RORA: variants seen among roughly 807,000 people sequenced by gnomAD.
RORA encodes nuclear receptor ROR-alpha.
A neutral mutation model predicts 69.5 loss-of-function variants in RORA; 7 were observed. That is an observed-to-expected ratio of 0.10 (90% CI 0.06 to 0.19). The LOEUF (loss-of-function observed/expected upper bound fraction) is 0.19. Ranked by LOEUF, RORA falls within the 10% of genes least tolerant of loss-of-function variation. The probability of loss-of-function intolerance (pLI) is 1.00; values close to 1 mark genes in which losing one functional copy is unlikely to be tolerated. For missense variants in RORA, 457 were observed against 663.0 expected (o/e 0.69, Z 3.41); for synonymous variants, 261 against 240.8 (o/e 1.08, Z -0.78).
intron 2 of RORA, among the ~76,000 whole-genome samples, chr15:60,602,539 C>T (rs764209621): frequency 1.3e-5 from 2 of 152,026 alleles, no homozygotes; most frequent in African/African-American, 4.8e-5. Flanking sequence ...TAGATTTAGG[C>T]GTAACAAAAC....
chr15:60,588,605 C>A (rs946144817), intron 2 of RORA, among the ~76,000 whole-genome samples: 3 of 152,140 alleles, frequency 2.0e-5, no homozygotes, highest in Non-Finnish European at 2.9e-5. Context: ...TGATCTCATC[C>A]ACTTTTATTG....
chr15:61,172,994 A>G (rs192106051), intron 1 of RORA, among the ~76,000 whole-genome samples: 2 of 152,328 alleles, frequency 1.3e-5, no homozygotes, highest in Admixed American at 1.3e-4. Flanking sequence ...GTAGTCATAT[A>G]TAATTATTTT....
chr15:61,077,613 A>G (rs896517401), intron 1 of RORA, among the ~76,000 whole-genome samples: 1 of 152,102 alleles, frequency 6.6e-6, no homozygotes, highest in African/African-American at 2.4e-5. Flanking sequence ...TGCCAACTAC[A>G]AGCTGTTTGT....
chr15:61,065,673 A>G (rs769049577), intron 1 of RORA, among the ~76,000 whole-genome samples: 4 of 152,168 alleles, frequency 2.6e-5, no homozygotes, highest in Non-Finnish European at 5.9e-5. Context: ...GTGCCGTTTG[A>G]TCTTGGTTGC....
intron 1 of RORA, among the ~76,000 whole-genome samples, chr15:60,702,431 C>T (rs940522789): frequency 7.2e-5 from 11 of 152,130 alleles, no homozygotes; most frequent in East Asian, 5.8e-4. Flanking sequence ...GGGGTTTTGC[C>T]GTGTTGGCCA....
rs60014588 is a variant in RORA, at chr15:60,535,949, TC to T, written c.197-4099del. Among the ~76,000 whole-genome samples the T allele has an allele frequency of 7.2e-3, 1,089 of 152,250 alleles. 20 individuals carry two copies. The highest frequency in any genetic ancestry group is 0.025 in the African/African-American group (1,020 of 41,542). Reference sequence around the variant, plus strand: ...ATCACTAACCAGGGCTCAAAAGACATCCCCTAAGTAGTTTGTTTAAACTTAA... The same window carrying T: ...ATCACTAACCAGGGCTCAAAAGACATCCCTAAGTAGTTTGTTTAAACTTAA... On this transcript the variant is annotated intron_variant, in intron 2 of 10. Transcript: ENST00000335670.
At position 60,698,173 on chromosome 15, in the gene RORA, T is replaced by C. The variant is rs370084464; in HGVS notation, c.167-19487A>G. On this transcript the variant is annotated intron_variant, in intron 1 of 10. Transcript: ENST00000335670. Reference sequence around the variant, plus strand: ...CAGCTGAGATGTCTTCTGTTCCTCCTTCTTTCCAGGAGCGTCAGTAGCTAT... The same window carrying C: ...CAGCTGAGATGTCTTCTGTTCCTCCCTCTTTCCAGGAGCGTCAGTAGCTAT... 1.2e-4 allele frequency among the ~76,000 whole-genome samples: 18 copies of C among 152,312 alleles called. No homozygotes were observed. In the East Asian group the frequency reaches 2.9e-3, roughly 24 times the overall value.
chr15:60,810,536 C>T (rs2072728342), intron 1 of RORA, among the ~76,000 whole-genome samples: 1 of 152,094 alleles, frequency 6.6e-6, no homozygotes, highest in Non-Finnish European at 1.5e-5. Flanking sequence ...TTTTACCCTT[C>T]CCATCCCCTG....
chr15:61,075,758 C>T (rs933459874), intron 1 of RORA, among the ~76,000 whole-genome samples: 3 of 152,204 alleles, frequency 2.0e-5, no homozygotes, highest in South Asian at 4.1e-4. Flanking sequence ...AACCTCCTCG[C>T]GTTATACCAC....
intron 1 of RORA, among the ~76,000 whole-genome samples, chr15:61,016,359 G>A (rs1163507778): frequency 6.6e-6 from 1 of 152,154 alleles, no homozygotes; most frequent in Non-Finnish European, 1.5e-5. Flanking sequence ...TCTTAAAATA[G>A]AATGGTGATT....
chr15:60,863,706 C>A, intron 1 of RORA, among the ~76,000 whole-genome samples: 2 of 152,260 alleles, frequency 1.3e-5, no homozygotes, highest in Middle Eastern at 3.4e-3. Context: ...TAGACTGTTT[C>A]GCAGAGCTTC....
intron 1 of RORA, among the ~76,000 whole-genome samples, chr15:60,893,121 T>C (rs753807319): frequency 1.3e-4 from 20 of 152,338 alleles, no homozygotes; most frequent in African/African-American, 3.8e-4. Flanking sequence ...TCTCCTGTTA[T>C]GTGCTTCAAC....
At chr15:61,166,317 C>A (rs2079539369) in intron 1 of RORA, among the ~76,000 whole-genome samples, 1 of 152,170 alleles carries the variant, frequency 6.6e-6, no homozygotes, top group Non-Finnish European at 1.5e-5. Context: ...CAGAAAGACA[C>A]AGATGAACAT....
At chr15:60,550,590 C>T (rs1213703441) in intron 2 of RORA, among the ~76,000 whole-genome samples, 2 of 152,168 alleles carry the variant, frequency 1.3e-5, no homozygotes, top group Admixed American at 1.3e-4. Flanking sequence ...ATTGTCAGCA[C>T]ACACATGGAT....
chr15:60,507,327 T>C (rs773451881), intron 5 of RORA, among the ~76,000 whole-genome samples: 1 of 152,182 alleles, frequency 6.6e-6, no homozygotes, highest in Non-Finnish European at 1.5e-5. Flanking sequence ...ATCTTTTTGT[T>C]TGGAAATTTG....
At chr15:60,987,443 C>A (rs1247181512) in intron 1 of RORA, among the ~76,000 whole-genome samples, 3 of 152,178 alleles carry the variant, frequency 2.0e-5, no homozygotes, top group African/African-American at 7.2e-5. Flanking sequence ...GGGCAAACAA[C>A]CTCTCTGAAT....
chr15:60,598,177 C>T (rs1238267355), intron 2 of RORA, among the ~76,000 whole-genome samples: 3 of 152,192 alleles, frequency 2.0e-5, no homozygotes, highest in Admixed American at 6.5e-5. Context: ...CATCACCACC[C>T]CATCAGCCCT....
chr15:61,155,246 T>A (rs1035806745), intron 1 of RORA, among the ~76,000 whole-genome samples: 1 of 152,084 alleles, frequency 6.6e-6, no homozygotes, highest in Non-Finnish European at 1.5e-5. Context: ...CTATTAAAAA[T>A]TAATTTAAAA....
intron 1 of RORA, among the ~76,000 whole-genome samples, chr15:60,938,097 A>G (rs4775326): frequency 0.69 from 104,373 of 151,890 alleles, 36,179 homozygotes; most frequent in East Asian, 0.95. Flanking sequence ...TTGTGTACAC[A>G]AGCTAATGTT....
Sources: allele counts gnomAD v4.1 joint callset (sites outside exome capture counted in the v4.1 genomes callset), GRCh38; gene constraint gnomAD v4.1.1; transcripts MANE v1.5; gene names NCBI Gene and HGNC (gene_info 2026-07-23, HGNC 2026-07-21).